Variants in MAP4 observed in about 807,000 individuals in gnomAD.
MAP4 encodes microtubule associated protein 4.
MAP4 carries 76 observed loss-of-function variants against 170.2 expected under a neutral mutation model. The observed-to-expected ratio is 0.45, with a 90% CI of 0.37 to 0.54. MAP4 has a LOEUF of 0.54. Ranked by LOEUF, MAP4 falls within the 20% of genes least tolerant of loss-of-function variation. MAP4 has a pLI of 0.00. For synonymous variants in MAP4, 909 were observed against 994.5 expected, an observed-to-expected ratio of 0.91 and a Z score of 1.62; for missense variants, 2,506 against 2,748.0, an observed-to-expected ratio of 0.91 and a Z score of 1.97.
intron 10 of MAP4, among the ~76,000 whole-genome samples, chr3:47,900,145 T>A (rs1313760275): frequency 6.6e-6 from 1 of 152,198 alleles, no homozygotes; most frequent in African/African-American, 2.4e-5. Flanking sequence ...ATAATTCTAC[T>A]ATTAACAATG....
intron 17 of MAP4, among the ~76,000 whole-genome samples, chr3:47,857,713 CT>C (rs112833712): frequency 1.6e-3 from 239 of 145,244 alleles, no homozygotes; most frequent in South Asian, 6.1e-3. Context: ...TCTTCACTTC[CT>C]TTTTTTTTTT....
intron 1 of MAP4, among the ~76,000 whole-genome samples, chr3:48,057,906 A>C (rs968169953): frequency 6.6e-6 from 1 of 152,284 alleles, no homozygotes; most frequent in Admixed American, 6.5e-5. Flanking sequence ...AAATTATTTT[A>C]AAAAACTGTG....
intron 17 of MAP4, among the ~76,000 whole-genome samples, chr3:47,861,140 C>T (rs1005817989): frequency 1.4e-4 from 22 of 152,106 alleles, no homozygotes; most frequent in African/African-American, 4.8e-4. Flanking sequence ...GTGGGTGGAT[C>T]ACCTGAGGTC....
chr3:48,086,021 C>T (rs1029632957), intron 1 of MAP4, among the ~76,000 whole-genome samples: 2 of 152,018 alleles, frequency 1.3e-5, no homozygotes, highest in African/African-American at 4.8e-5. Flanking sequence ...CACTGCACTC[C>T]AGCCTGGGCA....
chr3:48,008,989 G>A (rs1392264924), intron 1 of MAP4, among the ~76,000 whole-genome samples: 4 of 152,172 alleles, frequency 2.6e-5, no homozygotes, highest in African/African-American at 9.7e-5. Flanking sequence ...AAAGGGCAGA[G>A]GATTGTCCTC....
At chr3:48,018,900 A>C (rs1023207144), upstream of MAP4, among the ~76,000 whole-genome samples, 3 of 152,260 alleles carry the variant, frequency 2.0e-5, no homozygotes, top group Non-Finnish European at 2.9e-5. Context: ...TTATAGAAAG[A>C]AAGCCAGTAA....
At chr3:48,006,071 A>G (rs969375168) in intron 1 of MAP4, among the ~76,000 whole-genome samples, 1 of 152,216 alleles carries the variant, frequency 6.6e-6, no homozygotes, top group Admixed American at 6.5e-5. Flanking sequence ...AGCCTACTGC[A>G]TTCCCACTTA....
intron 1 of MAP4, among the ~76,000 whole-genome samples, chr3:48,058,202 A>G (rs1372256492): frequency 2.6e-5 from 4 of 152,248 alleles, no homozygotes; most frequent in African/African-American, 7.2e-5. Context: ...GAATTTTTTC[A>G]AAGAGAAAAA....
rs111634115 is a variant in MAP4, at chr3:48,035,701, A to G, written c.-19-36822T>C. 9.4e-3 allele frequency among the ~76,000 whole-genome samples: 1,429 copies of G among 152,276 alleles called. 25 individuals carry two copies. The highest frequency in any genetic ancestry group is 0.033 in the African/African-American group (1,360 of 41,554). On this transcript the variant is annotated intron_variant, in intron 1 of 18. Coordinates refer to the MAP4 transcript ENST00000360240. ...ACACTTGTAATCCCAGCACTTTGGG[A>G]GGCCAAGGCAGGAGGAGCACATGAG...
rs980482539 is a variant in MAP4 at position 48,043,096 on chromosome 3, TTTTA to T, written c.-19-44221_-19-44218del. Among the ~76,000 whole-genome samples, 12 of 152,190 alleles carry T rather than the reference TTTTA, an allele frequency of 7.9e-5. No individual in the cohort carries two copies. The South Asian group carries it at 8.3e-4, about 11-fold the overall frequency. ...ATACCAAAAAACAATGAATTGTACA[TTTTA>T]TTTATTTATTTATTTTTTGTGATGG... On this transcript the variant is annotated intron_variant, in intron 1 of 18. Coordinates refer to the MAP4 transcript ENST00000360240.
At chr3:47,960,720 A>G (rs2154168642) in intron 3 of MAP4, 1 of 163,038 alleles carries the variant, frequency 6.1e-6, no homozygotes, top group South Asian at 1.9e-4. Context: ...ACTTCAATAC[A>G]TCAAGAGGAC....
chr3:47,946,264 C>G (rs924761418), intron 3 of MAP4, among the ~76,000 whole-genome samples: 6 of 151,632 alleles, frequency 4.0e-5, no homozygotes, highest in Admixed American at 1.3e-4. Flanking sequence ...ATGCTCAGGA[C>G]TATTACACTA....
Position 47,911,260 on chromosome 3 carries a change from C to G in MAP4, c.3161G>C (p.Arg1054Thr). ...VPGVENEPFK[R>T]MAGDGKSRKG... is the part of the protein sequence containing the mutation. ...CCTGCTTTTGCCATCACCTGCCATT[C>G]TCTTAAATGGTTCATTCTCTACCCC... is the stretch of plus-strand genomic sequence containing the variant. The change falls in exon 9 of 21, where the codon AGA (arginine) becomes ACA (threonine). Residue 1054 changes from arginine (R) to threonine (T), a missense_variant. By Grantham distance (71) the Arg-to-Thr change is moderately conservative (BLOSUM62 -1). Transcript: ENST00000683076. The surrounding 1 kb of genome is among the most constrained non-coding windows in gnomAD (Gnocchi z 4.0). 1 of 1,536,116 alleles carries G rather than the reference C, an allele frequency of 6.5e-7. No homozygotes were observed. The highest frequency in any genetic ancestry group is 8.7e-7 in the Non-Finnish European group (1 of 1,146,914).
intron 2 of MAP4, among the ~76,000 whole-genome samples, chr3:47,988,319 A>G (rs2100090153): frequency 6.6e-6 from 1 of 152,166 alleles, no homozygotes; most frequent in Non-Finnish European, 1.5e-5. Flanking sequence ...CCCAATTGAA[A>G]GAAAAGAACT....
intron 10 of MAP4, among the ~76,000 whole-genome samples, chr3:47,902,364 A>T (rs904212414): frequency 6.6e-6 from 1 of 151,974 alleles, no homozygotes; most frequent in Non-Finnish European, 1.5e-5. Flanking sequence ...AATAAATTTC[A>T]TCAGCATGGT....
intron 19 of MAP4, among the ~76,000 whole-genome samples, chr3:47,854,543 C>G (rs2050991141): frequency 6.6e-6 from 1 of 152,228 alleles, no homozygotes; most frequent in African/African-American, 2.4e-5. Context: ...TGCAAGATGC[C>G]CCTCATGGGC....
chr3:47,978,040 T>A (rs898296940), intron 2 of MAP4, 107 bp from the exon 3 acceptor site: 3 of 717,568 alleles, frequency 4.2e-6, no homozygotes, highest in Non-Finnish European at 2.5e-6. Flanking sequence ...TAGCATTAGG[T>A]TAAAGCAATT....
chr3:47,936,418 C>A (rs1458758485), intron 3 of MAP4, among the ~76,000 whole-genome samples: 1 of 148,078 alleles, frequency 6.8e-6, no homozygotes, highest in Non-Finnish European at 1.5e-5. Flanking sequence ...GGCAACAGAG[C>A]AAAACTCTGT....
chr3:47,935,212 G>A (rs1277971391), intron 3 of MAP4, among the ~76,000 whole-genome samples: 5 of 152,166 alleles, frequency 3.3e-5, no homozygotes, highest in Non-Finnish European at 4.4e-5. Flanking sequence ...GTCGTGGGAT[G>A]ATCTAGGATC....
Sources: allele counts gnomAD v4.1 joint callset (sites outside exome capture counted in the v4.1 genomes callset), GRCh38; gene constraint gnomAD v4.1.1; non-coding constraint Gnocchi (gnomAD v3.1); transcripts MANE v1.5; gene names NCBI Gene and HGNC (gene_info 2026-07-23, HGNC 2026-07-21).